MAP3K13: variants seen among roughly 807,000 people sequenced by gnomAD.
The protein encoded by MAP3K13 is leucine zipper-bearing kinase.
In MAP3K13, 52 loss-of-function variants were observed where a neutral mutation model predicts 104.0. That is an observed-to-expected ratio of 0.50 (90% CI 0.40 to 0.63). MAP3K13 has a LOEUF of 0.63. Ranked by LOEUF, MAP3K13 falls within the 20% of genes least tolerant of loss-of-function variation. The pLI, the probability that MAP3K13 is intolerant of heterozygous loss-of-function variation, is 0.00. For missense variants in MAP3K13, 914 were observed against 1,218.5 expected (o/e 0.75, Z 3.72); for synonymous variants, 394 against 442.2 (o/e 0.89, Z 1.37).
chr3:185,382,477 A>C (rs1724773614), intron 1 of MAP3K13, among the ~76,000 whole-genome samples: 1 of 152,192 alleles, frequency 6.6e-6, no homozygotes, highest in Non-Finnish European at 1.5e-5. Context: ...TTACAATTAG[A>C]GTTACATTTA....
intron 1 of MAP3K13, among the ~76,000 whole-genome samples, chr3:185,388,146 A>C (rs1174210579): frequency 6.6e-6 from 1 of 152,098 alleles, no homozygotes; most frequent in Non-Finnish European, 1.5e-5. Context: ...AATCCCAACT[A>C]GGAATAAATG....
At chr3:185,454,388 G>GAT (rs1212658227) in intron 7 of MAP3K13, among the ~76,000 whole-genome samples, 1,022 of 12,186 alleles carry the variant, frequency 0.084, 421 homozygotes, top group Non-Finnish European at 0.25. Context: ...AGATATATGA[G>GAT]ATATATATGA....
intron 1 of MAP3K13, among the ~76,000 whole-genome samples, chr3:185,369,754 G>A (rs1253726386): frequency 6.6e-6 from 1 of 152,210 alleles, no homozygotes; most frequent in Admixed American, 6.5e-5. Flanking sequence ...AGGTTGAATT[G>A]AACCCTTGGT....
At chr3:185,403,421 T>A (rs1230176763) in intron 1 of MAP3K13, among the ~76,000 whole-genome samples, 1 of 152,230 alleles carries the variant, frequency 6.6e-6, no homozygotes, top group Non-Finnish European at 1.5e-5. Context: ...TACTTATTAA[T>A]TGGTTGAATA....
chr3:185,435,259 C>T (rs142201902), intron 2 of MAP3K13, among the ~76,000 whole-genome samples: 6,918 of 151,924 alleles, frequency 0.046, 214 homozygotes, highest in Non-Finnish European at 0.072. Flanking sequence ...GTCCACCCTG[C>T]CTCAGCCTCC....
chr3:185,338,481 A>C (rs1722595850), intron 2 of MAP3K13, among the ~76,000 whole-genome samples: 1 of 152,226 alleles, frequency 6.6e-6, no homozygotes, highest in South Asian at 2.1e-4. Context: ...ATTATACAAG[A>C]AATGACTTAG....
Position 185,413,730 on chromosome 3 carries a change from G to A in MAP3K13, c.-85-14767G>A, listed in dbSNP as rs534382958. 4.6e-5 allele frequency among the ~76,000 whole-genome samples: 7 copies of A among 152,242 alleles called. No individual in the cohort carries two copies. In the South Asian group the frequency reaches 8.3e-4, roughly 18 times the overall value. On this transcript the variant is annotated intron_variant, in intron 1 of 13. Coordinates refer to ENST00000265026, the MANE Select transcript of MAP3K13 (RefSeq NM_004721.5). The stretch of plus-strand genomic sequence containing the variant: ...CCAGCTACTCGGGAGGCTGAGGCAG[G>A]AGAATCATTTGAACCCGGGAGGCAG...
rs148364519 is a variant in MAP3K13 at position 185,373,823 on chromosome 3, A to ATTT, written c.-86+10478_-86+10480dup. Among the ~76,000 whole-genome samples, 293 of 113,336 alleles carry ATTT rather than the reference A, an allele frequency of 2.6e-3. 1 individual carries two copies. The highest frequency in any genetic ancestry group is 9.8e-3 in the African/African-American group (280 of 28,492). 74.4% of individuals were successfully genotyped at this position (113,336 alleles called of 152,430 possible). A position where few individuals can be genotyped will look rare whatever the true frequency, so the allele number is the denominator to read the frequency against. On this transcript the variant is annotated intron_variant, in intron 1 of 13. Coordinates refer to ENST00000265026, the MANE Select transcript of MAP3K13 (RefSeq NM_004721.5). ...AGCCTGGTCCTATACAGTGAAAAGGATTTTTTTTTTTTTTTTTTTTTTTTT... is the reference window on the plus strand; with the variant it reads ...AGCCTGGTCCTATACAGTGAAAAGGATTTTTTTTTTTTTTTTTTTTTTTTTTTT...
chr3:185,286,828 A>G (rs934008098), intron 2 of MAP3K13, among the ~76,000 whole-genome samples: 1 of 151,546 alleles, frequency 6.6e-6, no homozygotes, highest in Non-Finnish European at 1.5e-5. Context: ...TACATCTCAC[A>G]TTTTTTCCAT....
chr3:185,473,776 T>G lies in MAP3K13; in HGVS notation c.2430+15T>G, dbSNP rs1560133721. 20 of 1,604,624 alleles carry G rather than the reference T, an allele frequency of 1.2e-5. No homozygotes were observed. The highest frequency in any genetic ancestry group is 1.6e-5 in the Non-Finnish European group (19 of 1,175,780). The stretch of plus-strand genomic sequence containing the variant: ...CTCTGCAGAAGGTAAAGTGTAATGA[T>G]GAGAGTGGCCTGCGTCACTGCCTTC... On this transcript the variant is annotated intron_variant, in intron 11 of 13. Coordinates refer to ENST00000265026, the MANE Select transcript of MAP3K13 (RefSeq NM_004721.5). The surrounding 1 kb of genome is among the most constrained non-coding windows in gnomAD (Gnocchi z 4.9).
chr3:185,390,294 G>T (rs1711966071), intron 1 of MAP3K13, among the ~76,000 whole-genome samples: 1 of 152,102 alleles, frequency 6.6e-6, no homozygotes, highest in Non-Finnish European at 1.5e-5. Context: ...GGGTGCTATT[G>T]TTATTATCTC....
chr3:185,309,741 T>A (rs1415237486), intron 2 of MAP3K13, among the ~76,000 whole-genome samples: 1 of 152,112 alleles, frequency 6.6e-6, no homozygotes, highest in African/African-American at 2.4e-5. Flanking sequence ...TGCCTGCCCT[T>A]AGGGAAGGCA....
intron 1 of MAP3K13, among the ~76,000 whole-genome samples, chr3:185,367,533 T>C (rs1352348143): frequency 6.6e-6 from 1 of 152,200 alleles, no homozygotes; most frequent in Non-Finnish European, 1.5e-5. Context: ...AGGGTATCAT[T>C]GGAAGTTAAT....
chr3:185,369,465 C>T (rs1577473185), intron 1 of MAP3K13, among the ~76,000 whole-genome samples: 1 of 152,262 alleles, frequency 6.6e-6, no homozygotes, highest in South Asian at 2.1e-4. Context: ...GGGTGAAGAA[C>T]AGGGCAAGGG....
At position 185,428,580 on chromosome 3, in the gene MAP3K13, C is replaced by G. The variant is rs368387123; in HGVS notation, c.-2C>G. ...CAGGACTTTGGTTATACTCATGGCA[C>G]GATGGCCAACTTTCAGGAGCACCTG... On this transcript the variant is annotated 5_prime_UTR_variant, in exon 2 of 14. Coordinates refer to ENST00000265026, the MANE Select transcript of MAP3K13 (RefSeq NM_004721.5). The G allele has an allele frequency of 6.3e-7, 1 of 1,577,454 alleles. No homozygotes were observed. The highest frequency in any genetic ancestry group is 1.2e-5 in the South Asian group (1 of 85,494).
At chr3:185,471,680 G>A (rs1400810188) in intron 10 of MAP3K13, among the ~76,000 whole-genome samples, 5 of 151,166 alleles carry the variant, frequency 3.3e-5, no homozygotes, top group Admixed American at 1.3e-4. Context: ...GGCTAGTCTC[G>A]AACTCCTGAC....
chr3:185,394,818 A>C (rs1433323047), intron 1 of MAP3K13, among the ~76,000 whole-genome samples: 1 of 152,250 alleles, frequency 6.6e-6, no homozygotes, highest in East Asian at 1.9e-4. Context: ...ATTTGAAATC[A>C]GATGGACTGA....
At chr3:185,445,820 T>G (rs1002987473) in intron 4 of MAP3K13, among the ~76,000 whole-genome samples, 1 of 152,218 alleles carries the variant, frequency 6.6e-6, no homozygotes, top group African/African-American at 2.4e-5. Flanking sequence ...TATATTTTTC[T>G]AGTCTCCTCT....
intron 7 of MAP3K13, among the ~76,000 whole-genome samples, chr3:185,462,729 C>T (rs565185812): frequency 9.8e-5 from 15 of 152,286 alleles, no homozygotes; most frequent in South Asian, 2.1e-4. Context: ...GCCGATATCA[C>T]GCCACTGCAC....
Sources: allele counts gnomAD v4.1 joint callset (sites outside exome capture counted in the v4.1 genomes callset), GRCh38; gene constraint gnomAD v4.1.1; non-coding constraint Gnocchi (gnomAD v3.1); transcripts MANE v1.5; gene names NCBI Gene and HGNC (gene_info 2026-07-23, HGNC 2026-07-21).